The following GRB14 variants were observed in gnomAD, a reference collection of about 807,000 sequenced individuals.
GRB14 encodes the protein growth factor receptor-bound protein 14.
GRB14 carries 38 observed loss-of-function variants against 69.1 expected under a neutral mutation model. The observed-to-expected ratio is 0.55, with a 90% CI of 0.42 to 0.72. The LOEUF (loss-of-function observed/expected upper bound fraction) is 0.72, where lower values mean the gene tolerates loss of function less well. Ranked by LOEUF, GRB14 falls within the 30% of genes least tolerant of loss-of-function variation. GRB14 has a pLI of 0.00. For missense variants in GRB14, 666 were observed against 666.1 expected (o/e 1.00, Z 0.00); for synonymous variants, 247 against 241.3 (o/e 1.02, Z -0.22).
At chr2:164,528,261 T>C (rs903184488) in intron 3 of GRB14, among the ~76,000 whole-genome samples, 1 of 152,012 alleles carries the variant, frequency 6.6e-6, no homozygotes, top group Non-Finnish European at 1.5e-5. Flanking sequence ...GTCCATTGAG[T>C]TGTGCACACT....
At chr2:164,567,482 G>T (rs1689006535) in intron 2 of GRB14, among the ~76,000 whole-genome samples, 1 of 152,126 alleles carries the variant, frequency 6.6e-6, no homozygotes, top group African/African-American at 2.4e-5. Context: ...AAACACTACA[G>T]TTTCTAGTGT....
intron 2 of GRB14, among the ~76,000 whole-genome samples, chr2:164,552,892 G>A (rs1393794831): frequency 6.6e-6 from 1 of 152,172 alleles, no homozygotes; most frequent in Non-Finnish European, 1.5e-5. Context: ...AAGATGATGT[G>A]AAGATGACCA....
chr2:164,606,311 A>G (rs1690040040), intron 2 of GRB14, among the ~76,000 whole-genome samples: 1 of 152,140 alleles, frequency 6.6e-6, no homozygotes. Flanking sequence ...CACAATACCC[A>G]TAAGCCCCTA....
At chr2:164,618,678 T>G (rs560345696) in intron 2 of GRB14, among the ~76,000 whole-genome samples, 6 of 152,218 alleles carry the variant, frequency 3.9e-5, no homozygotes, top group Non-Finnish European at 7.3e-5. Flanking sequence ...CATTTCTGTA[T>G]ATGATCAATA....
intron 2 of GRB14, among the ~76,000 whole-genome samples, chr2:164,584,932 T>C (rs1689498490): frequency 6.6e-6 from 1 of 151,830 alleles, no homozygotes; most frequent in Non-Finnish European, 1.5e-5. Context: ...GGGGTTGTTT[T>C]ATATGTTTTT....
chr2:164,613,961 A>T (rs1023807750), intron 2 of GRB14, among the ~76,000 whole-genome samples: 3 of 152,214 alleles, frequency 2.0e-5, no homozygotes, highest in Non-Finnish European at 4.4e-5. Flanking sequence ...AAGAGAAAAA[A>T]ATATAAAAAA....
chr2:164,569,440 G>A (rs1689071425), intron 2 of GRB14, among the ~76,000 whole-genome samples: 1 of 152,106 alleles, frequency 6.6e-6, no homozygotes, highest in Non-Finnish European at 1.5e-5. Context: ...CTGACATCTG[G>A]ACAAGCTTCA....
At chr2:164,613,056 G>A (rs1248523163) in intron 2 of GRB14, among the ~76,000 whole-genome samples, 1 of 152,126 alleles carries the variant, frequency 6.6e-6, no homozygotes, top group African/African-American at 2.4e-5. Context: ...TCAGTAAGAC[G>A]TAAGCTCAGG....
intron 6 of GRB14, among the ~76,000 whole-genome samples, chr2:164,509,355 A>C (rs545872026): frequency 6.6e-6 from 1 of 152,226 alleles, no homozygotes; most frequent in South Asian, 2.1e-4. Context: ...CACCACAGGA[A>C]GCAGCGACTC....
intron 8 of GRB14, among the ~76,000 whole-genome samples, chr2:164,502,959 T>G (rs1406227360): frequency 6.6e-6 from 1 of 151,892 alleles, no homozygotes; most frequent in Non-Finnish European, 1.5e-5. Flanking sequence ...ATATAAGTGG[T>G]AGAAGATAAG....
At chr2:164,511,616 T>C (rs1687340252) in intron 6 of GRB14, among the ~76,000 whole-genome samples, 1 of 152,120 alleles carries the variant, frequency 6.6e-6, no homozygotes. Context: ...ATCCAGGCAG[T>C]AATCCATGGG....
At chr2:164,587,555 A>G (rs143540476) in intron 2 of GRB14, among the ~76,000 whole-genome samples, 1 of 152,294 alleles carries the variant, frequency 6.6e-6, no homozygotes, top group African/African-American at 2.4e-5. Context: ...TGTCTTTAAT[A>G]ATGTCATATT....
intron 2 of GRB14, among the ~76,000 whole-genome samples, chr2:164,599,862 GA>G (rs982659463): frequency 6.6e-6 from 1 of 152,052 alleles, no homozygotes; most frequent in Non-Finnish European, 1.5e-5. Context: ...TAATTCTTAT[GA>G]CTAAAAAAGA....
chr2:164,537,056 G>T (rs1049739841), intron 3 of GRB14, among the ~76,000 whole-genome samples: 2 of 152,074 alleles, frequency 1.3e-5, no homozygotes, highest in African/African-American at 2.4e-5. Context: ...AGCAGTTTGC[G>T]CCATGCAGTC....
rs1574246163 is a variant in GRB14 at position 164,502,436 on chromosome 2, CAATT to C, written c.1024-105_1024-102del. ...CAATTATACAATATAAATATAAAAA[CAATT>C]AAAGCAAACAAGTAAAGCAACCAAA... is the stretch of plus-strand genomic sequence containing the variant. On this transcript the variant is annotated intron_variant, in intron 8 of 13. Transcript: ENST00000263915. The C allele has an allele frequency of 7.0e-6, 5 of 718,898 alleles. No homozygotes were observed. In the East Asian group the frequency reaches 8.4e-5, roughly 12 times the overall value. The allele number at this position is 718,898 out of a possible 1,614,324, so 44.5% of individuals were successfully genotyped here.
At chr2:164,577,529 C>T (rs369284511) in intron 2 of GRB14, among the ~76,000 whole-genome samples, 171 of 152,318 alleles carry the variant, frequency 1.1e-3, no homozygotes, top group South Asian at 7.2e-3. Flanking sequence ...TCCCCTTCAC[C>T]CTTCTGCCGT....
intron 2 of GRB14, among the ~76,000 whole-genome samples, chr2:164,575,007 T>C (rs1436489007): frequency 6.6e-6 from 1 of 151,956 alleles, no homozygotes; most frequent in Non-Finnish European, 1.5e-5. Flanking sequence ...AGACACTTCC[T>C]AGTAAAATTA....
intron 2 of GRB14, among the ~76,000 whole-genome samples, chr2:164,577,183 C>A (rs1258720618): frequency 6.6e-6 from 1 of 152,150 alleles, no homozygotes; most frequent in Non-Finnish European, 1.5e-5. Flanking sequence ...TTCTATATAA[C>A]CTTTAAGGAA....
intron 2 of GRB14, chr2:164,573,795 T>C (rs986655876): frequency 3.1e-6 from 5 of 1,612,914 alleles, no homozygotes; most frequent in Non-Finnish European, 4.2e-6. Flanking sequence ...TGTATCAGCA[T>C]TAACATGTTG....
Sources: allele counts gnomAD v4.1 joint callset (sites outside exome capture counted in the v4.1 genomes callset), GRCh38; gene constraint gnomAD v4.1.1; transcripts MANE v1.5; gene names NCBI Gene and HGNC (gene_info 2026-07-23, HGNC 2026-07-21).